GAREM1: variants seen among roughly 807,000 people sequenced by gnomAD.
The protein encoded by GAREM1 is GRB2 associated regulator of MAPK1 subtype 1, also known as GRB2-associated and regulator of MAPK protein 1.
A neutral mutation model predicts 71.3 loss-of-function variants in GAREM1; 26 were observed. That is an observed-to-expected ratio of 0.36 (90% confidence interval 0.27 to 0.51). The LOEUF is 0.51. Among genes scored for constraint, GAREM1 ranks in the 20% least tolerant of loss-of-function variants. GAREM1 has a pLI of 0.95. For synonymous variants in GAREM1, 440 were observed against 433.2 expected (o/e 1.02, Z -0.20); for missense variants, 1,026 against 1,103.1 (o/e 0.93, Z 0.99).
intron 1 of GAREM1, among the ~76,000 whole-genome samples, chr18:32,423,714 T>A (rs949833409): frequency 6.6e-6 from 1 of 152,196 alleles, no homozygotes; most frequent in Non-Finnish European, 1.5e-5. Context: ...AATCTTTAAG[T>A]TGCAAGGAGC....
In GAREM1 at chr18:32,392,997, G is replaced by A. The variant is rs1235792827; in HGVS notation, c.160C>T (p.Leu54=). The change falls in exon 2 of 6, where the codon CTG becomes TTG. Residue 54 remains leucine, a synonymous_variant. Coordinates refer to ENST00000269209, the MANE Select transcript of GAREM1 (RefSeq NM_001242409.2). ...VEGLRENDYL[L]IHSCRQWTTI... The stretch of plus-strand genomic sequence containing the variant: ...GTCCACTGGCGGCAGGAATGAATCA[G>A]CAGATAGTCATTTTCCCGCAGCCCT... 6.2e-7 allele frequency: 1 copy of A among 1,613,650 alleles called. No individual in the cohort carries two copies. Among genetic ancestry groups the A allele is most frequent in the Non-Finnish European group, 8.5e-7 (1 of 1,179,828 alleles).
intron 1 of GAREM1, among the ~76,000 whole-genome samples, chr18:32,402,070 G>A (rs965973190): frequency 2.0e-5 from 3 of 152,044 alleles, no homozygotes; most frequent in African/African-American, 7.2e-5. Context: ...AAATATCCTA[G>A]GGTAGGCCAC....
At chr18:32,352,807 G>A (rs551810596) in intron 2 of GAREM1, among the ~76,000 whole-genome samples, 1 of 152,166 alleles carries the variant, frequency 6.6e-6, no homozygotes, top group Non-Finnish European at 1.5e-5. Context: ...GGGGCTAGAG[G>A]GGAGAGAATT....
intron 1 of GAREM1, among the ~76,000 whole-genome samples, chr18:32,409,633 C>G (rs1769507573): frequency 6.6e-6 from 1 of 152,156 alleles, no homozygotes; most frequent in Admixed American, 6.5e-5. Flanking sequence ...ACAAAAGACT[C>G]CTTTCTGAAC....
Position 32,324,954 on chromosome 18 carries a change from A to T in GAREM1, c.263-14631T>A, listed in dbSNP as rs973794548. Among the ~76,000 whole-genome samples the T allele has an allele frequency of 2.0e-5, 3 of 152,184 alleles. No homozygotes were observed. The East Asian group carries it at 5.8e-4, about 29-fold the overall frequency. The stretch of plus-strand genomic sequence containing the variant: ...AGGAATGGATGAATAGGTGGAACAC[A>T]GAAGTTTTTTATTTTTTAGACAGAG... On this transcript the variant is annotated intron_variant, in intron 2 of 5. Coordinates refer to ENST00000269209, the MANE Select transcript of GAREM1 (RefSeq NM_001242409.2).
intron 1 of GAREM1, among the ~76,000 whole-genome samples, chr18:32,464,802 C>T (rs2048983884): frequency 6.6e-6 from 1 of 150,492 alleles, no homozygotes; most frequent in Non-Finnish European, 1.5e-5. Flanking sequence ...ATGTATTTGA[C>T]ATATATTATT....
intron 1 of GAREM1, among the ~76,000 whole-genome samples, chr18:32,457,040 G>A (rs1379605140): frequency 6.6e-6 from 1 of 151,992 alleles, no homozygotes; most frequent in East Asian, 1.9e-4. Flanking sequence ...TGAAGAACAT[G>A]CACTGGACTG....
At chr18:32,268,833 T>C in intron 5 of GAREM1, 65 bp from the exon 6 acceptor site, 1 of 1,395,272 alleles carries the variant, frequency 7.2e-7, no homozygotes, top group Non-Finnish European at 9.9e-7. Context: ...AGGCTTTTGT[T>C]ATTTATAGAC....
At chr18:32,364,272 T>A (rs769526606) in intron 2 of GAREM1, among the ~76,000 whole-genome samples, 2 of 151,488 alleles carry the variant, frequency 1.3e-5, no homozygotes, top group Non-Finnish European at 2.9e-5. Context: ...TGGCCTCAAG[T>A]GATCTGCTTG....
At position 32,434,228 on chromosome 18, in the gene GAREM1, A is replaced by G. The variant is rs140731949; in HGVS notation, c.121+36080T>C. On this transcript the variant is annotated intron_variant, in intron 1 of 5. Transcript: ENST00000269209. ...CAAAAAGAACCTTGTTGTGTTAGGTATCAGAGTTATACACTATGAACTCCT... is the reference window on the plus strand; with the variant it reads ...CAAAAAGAACCTTGTTGTGTTAGGTGTCAGAGTTATACACTATGAACTCCT... Among the ~76,000 whole-genome samples the G allele has an allele frequency of 1.2e-4, 18 of 152,350 alleles. No individual in the cohort carries two copies. The East Asian group carries it at 2.7e-3, about 23-fold the overall frequency.
intron 1 of GAREM1, among the ~76,000 whole-genome samples, chr18:32,428,371 G>T (rs1463558874): frequency 1.3e-5 from 2 of 152,196 alleles, no homozygotes; most frequent in African/African-American, 4.8e-5. Flanking sequence ...CCCAGTGTTG[G>T]AGGTGGGGCC....
Position 32,302,803 on chromosome 18 carries a change from A to G in GAREM1, c.393+7390T>C, listed in dbSNP as rs146173539. Among the ~76,000 whole-genome samples, 469 of 152,302 alleles carry G rather than the reference A, an allele frequency of 3.1e-3. 3 individuals carry two copies. The highest frequency in any genetic ancestry group is 0.011 in the African/African-American group (439 of 41,566). Reference sequence around the variant, plus strand: ...TGGAAATGTTAATTAGCTTGATTCAATCATTCCACATTGTATACCTGTACT... The same window carrying G: ...TGGAAATGTTAATTAGCTTGATTCAGTCATTCCACATTGTATACCTGTACT... On this transcript the variant is annotated intron_variant, in intron 3 of 5. Coordinates refer to ENST00000269209, the MANE Select transcript of GAREM1 (RefSeq NM_001242409.2).
chr18:32,328,509 T>C (rs538107989), intron 2 of GAREM1, among the ~76,000 whole-genome samples: 2 of 152,322 alleles, frequency 1.3e-5, no homozygotes, highest in African/African-American at 2.4e-5. Context: ...CTGACATTAT[T>C]TTCATGAGTG....
At chr18:32,345,573 A>G (rs767286060) in intron 2 of GAREM1, among the ~76,000 whole-genome samples, 2 of 152,216 alleles carry the variant, frequency 1.3e-5, no homozygotes, top group Non-Finnish European at 2.9e-5. Context: ...TGATAAGGCA[A>G]TGATAATTTG....
intron 2 of GAREM1, among the ~76,000 whole-genome samples, chr18:32,358,222 T>A (rs539957520): frequency 1.2e-3 from 187 of 149,626 alleles, no homozygotes; most frequent in Middle Eastern, 3.5e-3. Flanking sequence ...GTGCTTCCCA[T>A]GACGCCTTCC....
chr18:32,370,208 G>A (rs1396710332), intron 2 of GAREM1, among the ~76,000 whole-genome samples: 11 of 151,966 alleles, frequency 7.2e-5, no homozygotes, highest in Non-Finnish European at 1.0e-4. Context: ...CGAGGCCGGC[G>A]GAACACAAGG....
At chr18:32,301,937 C>T (rs2047206099) in intron 3 of GAREM1, among the ~76,000 whole-genome samples, 1 of 152,156 alleles carries the variant, frequency 6.6e-6, no homozygotes. Context: ...GCTGCCAAAT[C>T]CTGTGTGTCA....
chr18:32,449,626 C>T (rs1429694376), intron 1 of GAREM1, among the ~76,000 whole-genome samples: 1 of 152,128 alleles, frequency 6.6e-6, no homozygotes, highest in African/African-American at 2.4e-5. Context: ...GATTGTGCCA[C>T]TGCACTCCAG....
Position 32,280,967 on chromosome 18 carries a change from C to G in GAREM1, c.1566+6064G>C, listed in dbSNP as rs550258280. 2.8e-4 allele frequency among the ~76,000 whole-genome samples: 43 copies of G among 152,310 alleles called. No individual in the cohort carries two copies. The South Asian group carries it at 7.3e-3, about 26-fold the overall frequency. On this transcript the variant is annotated intron_variant, in intron 4 of 5. Coordinates refer to ENST00000269209, the MANE Select transcript of GAREM1 (RefSeq NM_001242409.2). ...TCAAGGAAAGACAGTGGGAAAAAAC[C>G]TCTAAACAGTGACTGTCTACCTGAC...
Sources: allele counts gnomAD v4.1 joint callset (sites outside exome capture counted in the v4.1 genomes callset), GRCh38; gene constraint gnomAD v4.1.1; transcripts MANE v1.5; gene names NCBI Gene and HGNC (gene_info 2026-07-23, HGNC 2026-07-21).